C1orf50: variants seen among roughly 807,000 people sequenced by gnomAD.
C1orf50 encodes uncharacterized protein C1orf50.
In C1orf50, 22 loss-of-function variants were observed where a neutral mutation model predicts 23.3. The ratio of observed to expected loss-of-function variants is 0.94; its 90% CI spans 0.67 to 1.35. C1orf50 has a LOEUF of 1.35. Among genes scored for constraint, C1orf50 ranks in the 40% most tolerant of loss-of-function variants. C1orf50 has a pLI of 0.00. For missense variants in C1orf50, 271 were observed against 249.4 expected, an observed-to-expected ratio of 1.09 and a Z score of -0.58; for synonymous variants, 96 against 102.4, an observed-to-expected ratio of 0.94 and a Z score of 0.38.
Position 42,775,638 on chromosome 1 carries a change from T to C in C1orf50, c.*244T>C, listed in dbSNP as rs41269519. ...ACCCAAGTCAGTCAGTTTCAGAGTA[T>C]TGGCCAGTGTACTTTCCTTCTTCCT... is the stretch of plus-strand genomic sequence containing the variant. On this transcript the variant is annotated 3_prime_UTR_variant, in exon 5 of 5. Coordinates refer to ENST00000372525, the MANE Select transcript of C1orf50 (RefSeq NM_024097.4). The C allele has an allele frequency of 7.3e-4, 274 of 374,648 alleles. 1 individual carries two copies. The highest frequency in any genetic ancestry group is 1.7e-3 in the Admixed American group (41 of 24,692). 23.2% of individuals were successfully genotyped at this position (374,648 alleles called of 1,614,324 possible). A position where few individuals can be genotyped will look rare whatever the true frequency, so the allele number is the denominator to read the frequency against.
chr1:42,770,655 C>T (rs962853389), intron 2 of C1orf50, among the ~76,000 whole-genome samples: 20 of 152,290 alleles, frequency 1.3e-4, no homozygotes, highest in East Asian at 9.6e-4. Flanking sequence ...TGGTCTCAAA[C>T]GCCCGACCTC....
chr1:42,774,848 T>C lies in C1orf50; in HGVS notation c.394T>C (p.Phe132Leu), dbSNP rs371807749. The C allele has an allele frequency of 1.6e-5, 25 of 1,612,058 alleles. No homozygotes were observed. The highest frequency in any genetic ancestry group is 2.0e-5 in the Non-Finnish European group (23 of 1,179,482). The change falls in exon 4 of 5, where the codon TTT becomes CTT. Residue 132 changes from phenylalanine (F) to leucine (L), a missense_variant. Transcript: ENST00000372525. ...TAAACGGGAGAGTGGTCAGCAGTATTTTTCCATCATTTCTCCAAAGGTAAG... is the reference window on the plus strand; with the variant it reads ...TAAACGGGAGAGTGGTCAGCAGTATCTTTCCATCATTTCTCCAAAGGTAAG... ...LYKRESGQQY[F>L]SIISPKEWGT...
In C1orf50 at chr1:42,767,615, G is replaced by C; in HGVS notation, c.186G>C (p.Gln62His). The change falls in exon 2 of 5, where the codon CAG becomes CAC. Residue 62 changes from glutamine to histidine, a missense_variant. By Grantham distance (24) the Gln-to-His change is conservative. Transcript: ENST00000372525. Reference sequence around the variant, plus strand: ...TAGACCTCGTGGCGCTCGCAGAGCAGGTGCAGAAGGTGAGGAGGCGCGGCC... The same window carrying C: ...TAGACCTCGTGGCGCTCGCAGAGCACGTGCAGAAGGTGAGGAGGCGCGGCC... ...DPLDLVALAE[Q>H]VQKADEFIRA... The C allele has an allele frequency of 6.2e-7, 1 of 1,611,022 alleles. No homozygotes were observed. The highest frequency in any genetic ancestry group is 8.5e-7 in the Non-Finnish European group (1 of 1,179,174).
In C1orf50 at chr1:42,774,840, A is replaced by G. The variant is rs1305109066; in HGVS notation, c.386A>G (p.Gln129Arg). ...TATCTCTATAAACGGGAGAGTGGTC[A>G]GCAGTATTTTTCCATCATTTCTCCA... The part of the protein sequence containing the change: ...IYYLYKRESG[Q>R]QYFSIISPKE... The change falls in exon 4 of 5, where the codon CAG (glutamine) becomes CGG (arginine). Residue 129 changes from glutamine (Q) to arginine (R), a missense_variant. Physicochemically the swap from Gln to Arg is conservative, Grantham distance 43. Coordinates refer to ENST00000372525, the MANE Select transcript of C1orf50 (RefSeq NM_024097.4). 2 of 1,613,012 alleles carry G rather than the reference A, an allele frequency of 1.2e-6. No homozygotes were observed. Among genetic ancestry groups the G allele is most frequent in the Non-Finnish European group, 1.7e-6 (2 of 1,179,690 alleles).
intron 2 of C1orf50, among the ~76,000 whole-genome samples, chr1:42,768,221 C>T (rs1043648649): frequency 6.6e-6 from 1 of 152,208 alleles, no homozygotes; most frequent in Non-Finnish European, 1.5e-5. Context: ...TGCAGTGCGA[C>T]TTAAGGCAGA....
Position 42,773,867 on chromosome 1 carries a change from G to A in C1orf50, c.282+218G>A, listed in dbSNP as rs182384378. 1.8e-4 allele frequency among the ~76,000 whole-genome samples: 28 copies of A among 152,322 alleles called. No individual in the cohort carries two copies. The East Asian group carries it at 5.4e-3, about 29-fold the overall frequency. ...GACAGAGGTTTGCTCTTGTTGCCCA[G>A]GCTGGAGTGCAGTGGCATGGTCTCA... is the stretch of plus-strand genomic sequence containing the variant. On this transcript the variant is annotated intron_variant, in intron 3 of 4. Coordinates refer to ENST00000372525, the MANE Select transcript of C1orf50 (RefSeq NM_024097.4).
At position 42,767,552 on chromosome 1, in the gene C1orf50, G is replaced by C; in HGVS notation, c.123G>C (p.Leu41=). Residue 41 remains leucine (L), a synonymous_variant, in exon 2 of 5, where the codon CTG becomes CTC. Coordinates refer to ENST00000372525, the MANE Select transcript of C1orf50 (RefSeq NM_024097.4). ...CCCCGACCCCCGGCGGCCTGGCCCT[G>C]GTGAGCCCCTACCACACCCACCGGG... The part of the protein sequence containing the change: ...ELTPTPGGLA[L]VSPYHTHRAG... The C allele has an allele frequency of 6.2e-7, 1 of 1,607,742 alleles. No homozygotes were observed. The highest frequency in any genetic ancestry group is 8.5e-7 in the Non-Finnish European group (1 of 1,177,846).
At chr1:42,773,517 G>A in intron 2 of C1orf50, 46 bp from the exon 3 acceptor site, 2 of 1,140,328 alleles carry the variant, frequency 1.8e-6, no homozygotes, top group Non-Finnish European at 2.6e-6. Flanking sequence ...CATCATAGAA[G>A]TCTTTTCCTC....
chr1:42,769,998 A>T (rs929032993), intron 2 of C1orf50, among the ~76,000 whole-genome samples: 21 of 152,150 alleles, frequency 1.4e-4, no homozygotes, highest in Non-Finnish European at 1.5e-5. Context: ...AGGTTGCCTC[A>T]TGTCTGTGAG....
intron 1 of C1orf50, 36 bp downstream of exon 1, chr1:42,767,426 TC>T: frequency 6.4e-7 from 1 of 1,553,160 alleles, no homozygotes; most frequent in South Asian, 1.2e-5. Flanking sequence ...GGAAGTCAGC[TC>T]CCGCGAGGCA....
Position 42,774,684 on chromosome 1 carries a change from G to A in C1orf50, c.283-53G>A, listed in dbSNP as rs951792363. 14 of 1,554,134 alleles carry A rather than the reference G, an allele frequency of 9.0e-6. No homozygotes were observed. The African/African-American group carries it at 1.4e-4, about 15-fold the overall frequency. ...ATTTTAATTGGGATGATCACCAAAT[G>A]TGGGTGCCTGTTATCTCCAATACCT... On this transcript the variant is annotated intron_variant, in intron 3 of 4. Coordinates refer to ENST00000372525, the MANE Select transcript of C1orf50 (RefSeq NM_024097.4).
At chr1:42,767,887 A>C (rs1440358875) in intron 2 of C1orf50, among the ~76,000 whole-genome samples, 2 of 152,114 alleles carry the variant, frequency 1.3e-5, no homozygotes, top group Non-Finnish European at 2.9e-5. Flanking sequence ...AGTGTTCATT[A>C]TTTCATTTGC....
chr1:42,775,218 A>G lies in C1orf50; in HGVS notation c.424A>G (p.Thr142Ala), dbSNP rs753244763. 5.7e-6 allele frequency: 9 copies of G among 1,590,412 alleles called. No individual in the cohort carries two copies. In the East Asian group the frequency reaches 1.8e-4, roughly 32 times the overall value. Residue 142 changes from threonine to alanine, a missense_variant, in exon 5 of 5, where the codon ACA becomes GCA. By Grantham distance (58) the Thr-to-Ala change is moderately conservative. Coordinates refer to ENST00000372525, the MANE Select transcript of C1orf50 (RefSeq NM_024097.4). ...CCTTTGCCTTCTCTAGGAATGGGGG[A>G]CAAGTTGTCCACATGACTTCCTTGG... ...FSIISPKEWG[T>A]SCPHDFLGAY...
chr1:42,769,058 G>C (rs923252385), intron 2 of C1orf50, among the ~76,000 whole-genome samples: 2 of 152,078 alleles, frequency 1.3e-5, no homozygotes, highest in Non-Finnish European at 2.9e-5. Flanking sequence ...GAAGTCAGGA[G>C]TTCGAGACCA....
At position 42,775,573 on chromosome 1, in the gene C1orf50, CAG is replaced by C. The variant is rs1468140152; in HGVS notation, c.*182_*183del. 5 of 527,734 alleles carry C rather than the reference CAG, an allele frequency of 9.5e-6. No homozygotes were observed. The highest frequency in any genetic ancestry group is 9.8e-6 in the Non-Finnish European group (3 of 305,666). 32.7% of individuals were successfully genotyped at this position (527,734 alleles called of 1,614,324 possible). On this transcript the variant is annotated 3_prime_UTR_variant, in exon 5 of 5. Coordinates refer to ENST00000372525, the MANE Select transcript of C1orf50 (RefSeq NM_024097.4). Reference sequence around the variant, plus strand: ...ATTGGGATGGGAATAATCATTGAGACAGAGTCACTGTCTTTCGGGATCCTCTT... The same window carrying C: ...ATTGGGATGGGAATAATCATTGAGACAGTCACTGTCTTTCGGGATCCTCTT...
intron 4 of C1orf50, 43 bp downstream of exon 4, chr1:42,774,911 T>G: frequency 1.3e-6 from 2 of 1,581,426 alleles, no homozygotes; most frequent in Non-Finnish European, 1.7e-6. Flanking sequence ...CTCCAGCCTC[T>G]GAGAAATTCT....
intron 2 of C1orf50, among the ~76,000 whole-genome samples, chr1:42,770,547 C>A (rs1653194681): frequency 6.6e-6 from 1 of 152,134 alleles, no homozygotes; most frequent in Admixed American, 6.5e-5. Flanking sequence ...ATTCTCCTGC[C>A]TCAGCCTCCC....
chr1:42,775,083 G>T (rs188881521), intron 4 of C1orf50, 126 bp from the exon 5 acceptor site: 2 of 998,128 alleles, frequency 2.0e-6, no homozygotes, highest in Admixed American at 2.6e-5. Context: ...AGGTAACTGC[G>T]TTCCAAAGGT....
chr1:42,774,342 C>G (rs1178824024), intron 3 of C1orf50, among the ~76,000 whole-genome samples: 1 of 152,048 alleles, frequency 6.6e-6, no homozygotes, highest in East Asian at 1.9e-4. Flanking sequence ...ATCCTCTAGC[C>G]TCAGCCTCCC....
Sources: gnomAD v4.1 joint callset for allele counts (sites outside exome capture counted in the v4.1 genomes callset) on GRCh38, gnomAD v4.1.1 for gene constraint, MANE v1.5 for transcripts, NCBI Gene and HGNC (gene_info 2026-07-23, HGNC 2026-07-21) for gene names.